REPS1: variants seen among roughly 807,000 people sequenced by gnomAD.
REPS1 encodes RALBP1 associated Eps domain containing 1.
In REPS1, 39 loss-of-function variants were observed where a neutral mutation model predicts 100.9. That is an observed-to-expected ratio of 0.39 (90% confidence interval 0.30 to 0.50). The LOEUF is 0.50. Ranked by LOEUF, REPS1 falls within the 20% of genes least tolerant of loss-of-function variation. REPS1 has a pLI of 0.86. For missense variants in REPS1, 821 were observed against 968.5 expected (o/e 0.85, Z 2.02); for synonymous variants, 324 against 340.3 (o/e 0.95, Z 0.53).
intron 9 of REPS1, chr6:138,928,547 C>G (rs1350671751): frequency 6.6e-6 from 1 of 152,006 alleles, no homozygotes; most frequent in East Asian, 1.9e-4. Flanking sequence ...ATAAATAAAA[C>G]TTTATGGGAA....
chr6:138,987,840 A>AGGGCCCGGAGGTCGCGAGGAGG lies in REPS1; in HGVS notation c.-180_-159dup, dbSNP rs1161454551. 3 of 819,130 alleles carry AGGGCCCGGAGGTCGCGAGGAGG rather than the reference A, an allele frequency of 3.7e-6. No individual in the cohort carries two copies. In the South Asian group the frequency reaches 1.7e-4, roughly 45 times the overall value. 50.7% of individuals were successfully genotyped at this position (819,130 alleles called of 1,614,324 possible). ...CACGCGCCAGGTGCGCCCGAGCAAC[A>AGGGCCCGGAGGTCGCGAGGAGG]GGGCCCGGAGGTCGCGAGGAGGGGG... On this transcript the variant is annotated 5_prime_UTR_variant, in exon 1 of 20. Coordinates refer to ENST00000450536, the MANE Select transcript of REPS1 (RefSeq NM_001286611.2).
chr6:138,969,448 C>T (rs528546963), intron 1 of REPS1, among the ~76,000 whole-genome samples: 1 of 142,576 alleles, frequency 7.0e-6, no homozygotes, highest in African/African-American at 2.7e-5. Flanking sequence ...CTGCAGCTGG[C>T]CAATTTTTTT....
At position 138,945,293 on chromosome 6, in the gene REPS1, G is replaced by T. The variant is rs767283341; in HGVS notation, c.554C>A (p.Pro185His). 16 of 1,611,846 alleles carry T rather than the reference G, an allele frequency of 9.9e-6. No individual in the cohort carries two copies. The South Asian group carries it at 1.7e-4, about 17-fold the overall frequency. The change falls in exon 4 of 20, where the codon CCC becomes CAC. Residue 185 changes from proline (P) to histidine (H), a missense_variant. Pro to His is a moderately conservative substitution (Grantham distance 77). Coordinates refer to ENST00000450536, the MANE Select transcript of REPS1 (RefSeq NM_001286611.2). ...PHTWRKHSRH[P>H]SGGNSERPLA... ...AGGCCTCTCACTATTCCCACCGCTG[G>T]GATGACGGCTGTGCTTCCTCCATGT...
At position 138,920,264 on chromosome 6, in the gene REPS1, T is replaced by C. The variant is rs1427901700; in HGVS notation, c.1479A>G (p.Glu493=). ...TCACCGATGAATTTATCTTATTTTC[T>C]TCTAAAAGGTCAGATGGTTTCACAA... ...PLLVKPSDLL[E]ENKINSSVKF... Residue 493 remains glutamate, a synonymous_variant, in exon 12 of 20, where the codon GAA becomes GAG. Coordinates refer to ENST00000450536, the MANE Select transcript of REPS1 (RefSeq NM_001286611.2). 6 of 1,603,908 alleles carry C rather than the reference T, an allele frequency of 3.7e-6. No homozygotes were observed. The highest frequency in any genetic ancestry group is 5.1e-6 in the Non-Finnish European group (6 of 1,170,882).
chr6:138,955,229 T>C (rs1258833824), intron 1 of REPS1, among the ~76,000 whole-genome samples: 1 of 151,994 alleles, frequency 6.6e-6, no homozygotes, highest in South Asian at 2.1e-4. Context: ...GCAGGAGGAT[T>C]GCTTGAGGCC....
intron 1 of REPS1, among the ~76,000 whole-genome samples, chr6:138,950,040 C>G (rs1228005414): frequency 1.3e-5 from 2 of 152,022 alleles, no homozygotes; most frequent in African/African-American, 4.8e-5. Context: ...TTTGGGTTTG[C>G]TAGACTTAGA....
intron 1 of REPS1, among the ~76,000 whole-genome samples, chr6:138,959,993 C>G (rs958926678): frequency 6.6e-6 from 1 of 151,116 alleles, no homozygotes; most frequent in Admixed American, 6.6e-5. Context: ...CTAGACAGAA[C>G]TTCAACCGTG....
Position 138,911,381 on chromosome 6 carries a change from AAT to A in REPS1, c.1972-12_1972-11del. On this transcript the variant is annotated splice_polypyrimidine_tract_variant and intron_variant, in intron 16 of 19. Transcript: ENST00000450536. ...CAGAAGCTTTTTCAGCCTAAAAATGAATATGTTTATCACTATTAATTCTACAT... is the reference window on the plus strand; with the variant it reads ...CAGAAGCTTTTTCAGCCTAAAAATGAATGTTTATCACTATTAATTCTACAT... 3.2e-6 allele frequency: 5 copies of A among 1,560,524 alleles called. No homozygotes were observed. The highest frequency in any genetic ancestry group is 3.5e-6 in the Non-Finnish European group (4 of 1,131,620).
intron 1 of REPS1, among the ~76,000 whole-genome samples, chr6:138,963,066 T>C (rs891929451): frequency 7.2e-5 from 11 of 152,154 alleles, no homozygotes; most frequent in African/African-American, 2.7e-4. Context: ...CAACCTAGAT[T>C]GGGCTATCCT....
At position 138,979,717 on chromosome 6, in the gene REPS1, A is replaced by C. The variant is rs76074617; in HGVS notation, c.153+7813T>G. Among the ~76,000 whole-genome samples the C allele has an allele frequency of 4.2e-3, 642 of 152,150 alleles. 6 individuals carry two copies. Among genetic ancestry groups the C allele is most frequent in the South Asian group, 0.027 (130 of 4,822 alleles). The stretch of plus-strand genomic sequence containing the variant: ...ATATTACACATTCCCAATTTGTACC[A>C]CTCTGATTGTGTGCTTCCTAGCGTC... On this transcript the variant is annotated intron_variant, in intron 1 of 19. Transcript: ENST00000450536.
chr6:138,914,368 C>A (rs942830508), intron 15 of REPS1, among the ~76,000 whole-genome samples: 1 of 152,182 alleles, frequency 6.6e-6, no homozygotes, highest in Admixed American at 6.5e-5. Flanking sequence ...CCACTGCACC[C>A]AGCCTGGTGA....
In REPS1 at chr6:138,905,829, T is replaced by C. The variant is rs938654634; in HGVS notation, c.2323-697A>G. 2.0e-5 allele frequency among the ~76,000 whole-genome samples: 3 copies of C among 152,226 alleles called. No individual in the cohort carries two copies. In the East Asian group the frequency reaches 5.8e-4, roughly 29 times the overall value. On this transcript the variant is annotated intron_variant, in intron 19 of 19. Coordinates refer to ENST00000450536, the MANE Select transcript of REPS1 (RefSeq NM_001286611.2). ...CTATATCAACTCCTAGATCTCATTT[T>C]GAGCTTTAGTTTCCCAAAGAATAAC...
In REPS1 at chr6:138,973,517, ATCAG is replaced by A. The variant is rs762709249; in HGVS notation, c.153+14009_153+14012del. 2.0e-5 allele frequency among the ~76,000 whole-genome samples: 3 copies of A among 148,380 alleles called. 1 individual carries two copies. On this transcript the variant is annotated intron_variant, in intron 1 of 19. Coordinates refer to ENST00000450536, the MANE Select transcript of REPS1 (RefSeq NM_001286611.2). ...AAGACTGTAAAAAATTCTACTGGGA[ATCAG>A]TCAAAGTCTGAATAAGAAAACATTT...
At chr6:138,981,113 G>A (rs1376516143) in intron 1 of REPS1, among the ~76,000 whole-genome samples, 2 of 152,164 alleles carry the variant, frequency 1.3e-5, no homozygotes, top group East Asian at 3.8e-4. Flanking sequence ...AAAATTCTGT[G>A]GAACTATGTT....
chr6:138,956,577 G>C (rs556102500), intron 1 of REPS1, among the ~76,000 whole-genome samples: 2 of 152,078 alleles, frequency 1.3e-5, no homozygotes, highest in Admixed American at 1.3e-4. Context: ...AGTCTTTCTA[G>C]AACTTACCGA....
intron 1 of REPS1, among the ~76,000 whole-genome samples, chr6:138,961,428 G>A (rs755961422): frequency 7.2e-5 from 11 of 151,860 alleles, no homozygotes; most frequent in Admixed American, 2.0e-4. Context: ...TAGTAGAGAC[G>A]GGGATCCAGG....
chr6:138,945,332 G>A lies in REPS1; in HGVS notation c.515C>T (p.Pro172Leu). Residue 172 changes from proline to leucine, a missense_variant, in exon 4 of 20, where the codon CCA (proline) becomes CTA (leucine). This residue lies in a region of REPS1 where 757 missense variants were observed against 866.4 expected (regional missense o/e 0.87). Coordinates refer to ENST00000450536, the MANE Select transcript of REPS1 (RefSeq NM_001286611.2). ...CTTCCTCCATGTGTGTGGAGAAGTT[G>A]GTGGGGATTGCTGTGGTGAAACTAC... The part of the protein sequence containing the change: ...SPVVSPQQSP[P>L]TSPHTWRKHS... 2 of 1,612,196 alleles carry A rather than the reference G, an allele frequency of 1.2e-6. No individual in the cohort carries two copies. The highest frequency in any genetic ancestry group is 1.7e-6 in the Non-Finnish European group (2 of 1,179,400).
chr6:138,931,968 C>T (rs1052577862), intron 8 of REPS1, among the ~76,000 whole-genome samples: 8 of 152,060 alleles, frequency 5.3e-5, no homozygotes, highest in South Asian at 2.1e-4. Flanking sequence ...GACTAATTTT[C>T]GAAAGAATTT....
chr6:138,940,661 G>A (rs140790418), intron 8 of REPS1, among the ~76,000 whole-genome samples: 1 of 151,744 alleles, frequency 6.6e-6, no homozygotes, highest in African/African-American at 2.4e-5. Flanking sequence ...CAGGAGAATC[G>A]CTTGAACCCG....
Sources: allele counts gnomAD v4.1 joint callset (sites outside exome capture counted in the v4.1 genomes callset), GRCh38; gene constraint gnomAD v4.1.1; regional missense constraint gnomAD v4.1.1; transcripts MANE v1.5; gene names NCBI Gene and HGNC (gene_info 2026-07-23, HGNC 2026-07-21).